Variants in ARHGEF7 observed in about 807,000 individuals in gnomAD.
ARHGEF7 encodes the protein Rho guanine nucleotide exchange factor 7.
ARHGEF7 carries 33 observed loss-of-function variants against 109.8 expected under a neutral mutation model. That is an observed-to-expected ratio of 0.30 (90% CI 0.23 to 0.40). ARHGEF7 has a LOEUF of 0.40. ARHGEF7 is among the 10% of genes least tolerant of loss of function. The pLI is 1.00. For synonymous variants in ARHGEF7, 458 were observed against 424.6 expected, an observed-to-expected ratio of 1.08 and a Z score of -0.97; for missense variants, 938 against 1,098.5, an observed-to-expected ratio of 0.85 and a Z score of 2.07.
At chr13:111,135,479 G>A (rs1487737095) in intron 1 of ARHGEF7, among the ~76,000 whole-genome samples, 2 of 152,316 alleles carry the variant, frequency 1.3e-5, no homozygotes, top group East Asian at 1.9e-4. Flanking sequence ...ATTTCGTTGA[G>A]CAGTGGTTTG....
chr13:111,199,438 T>C (rs1411530210), intron 2 of ARHGEF7, among the ~76,000 whole-genome samples: 3 of 152,356 alleles, frequency 2.0e-5, no homozygotes, highest in African/African-American at 7.2e-5. Context: ...AGTCGTCCTC[T>C]GGTCAGAGGT....
At chr13:111,132,761 T>C (rs2074827437) in intron 1 of ARHGEF7, among the ~76,000 whole-genome samples, 1 of 152,338 alleles carries the variant, frequency 6.6e-6, no homozygotes, top group South Asian at 2.1e-4. Flanking sequence ...CATGAAAACA[T>C]GAACAATTCA....
intron 19 of ARHGEF7, among the ~76,000 whole-genome samples, chr13:111,296,948 C>T (rs1350389301): frequency 1.3e-5 from 2 of 152,194 alleles, no homozygotes; most frequent in Non-Finnish European, 2.9e-5. Flanking sequence ...GTCTGAGCCT[C>T]TGTTATGGAT....
At chr13:111,219,863 T>C (rs1490751182) in intron 5 of ARHGEF7, among the ~76,000 whole-genome samples, 1 of 152,154 alleles carries the variant, frequency 6.6e-6, no homozygotes, top group African/African-American at 2.4e-5. Flanking sequence ...AAGACAAGTA[T>C]TGCTGGGATA....
At position 111,209,855 on chromosome 13, in the gene ARHGEF7, G is replaced by C; in HGVS notation, c.338-17G>C. On this transcript the variant is annotated splice_polypyrimidine_tract_variant and intron_variant, in intron 3 of 21. Transcript: ENST00000646102. ...GGCGCTCTCAGCTCTCTTTTTCTGT[G>C]TGCATGCTCTTTGCAGACATCGGGC... 6.2e-7 allele frequency: 1 copy of C among 1,613,146 alleles called. No individual in the cohort carries two copies. The highest frequency in any genetic ancestry group is 1.1e-5 in the South Asian group (1 of 90,978).
chr13:111,246,898 C>T (rs569002438), intron 8 of ARHGEF7, among the ~76,000 whole-genome samples: 18 of 152,216 alleles, frequency 1.2e-4, no homozygotes, highest in South Asian at 2.1e-4. Context: ...ATCAGCCCTG[C>T]GAATTATTAT....
At chr13:111,119,375 C>T (rs928225809) in intron 1 of ARHGEF7, among the ~76,000 whole-genome samples, 2 of 152,162 alleles carry the variant, frequency 1.3e-5, no homozygotes. Context: ...ACATTTGAAC[C>T]AGATCAGTTT....
At chr13:111,151,512 C>G (rs1175120520) in intron 1 of ARHGEF7, among the ~76,000 whole-genome samples, 1 of 152,210 alleles carries the variant, frequency 6.6e-6, no homozygotes, top group East Asian at 1.9e-4. Context: ...TGGTTGTCGT[C>G]TCATGAATCC....
chr13:111,135,172 TA>T (rs1200494148), intron 1 of ARHGEF7, among the ~76,000 whole-genome samples: 2 of 152,252 alleles, frequency 1.3e-5, no homozygotes, highest in East Asian at 3.8e-4. Context: ...TCTGTTTTGG[TA>T]CCAGTACCAT....
At chr13:111,175,269 A>G (rs1048962637) in intron 2 of ARHGEF7, among the ~76,000 whole-genome samples, 4 of 152,224 alleles carry the variant, frequency 2.6e-5, no homozygotes, top group Non-Finnish European at 5.9e-5. Context: ...CCACACTTGT[A>G]TGGTTCAGAA....
chr13:111,140,987 G>A (rs1302986341), intron 1 of ARHGEF7, among the ~76,000 whole-genome samples: 1 of 152,084 alleles, frequency 6.6e-6, no homozygotes, highest in African/African-American at 2.4e-5. Context: ...ACCACACCCA[G>A]CCTGGACCTT....
At chr13:111,291,368 C>G (rs2093274871) in intron 18 of ARHGEF7, among the ~76,000 whole-genome samples, 1 of 152,278 alleles carries the variant, frequency 6.6e-6, no homozygotes, top group Non-Finnish European at 1.5e-5. Flanking sequence ...TGTCTCTCTT[C>G]CTGACAGCAG....
chr13:111,288,580 A>ACT, intron 18 of ARHGEF7, 137 bp downstream of exon 18: 1 of 514,102 alleles, frequency 1.9e-6, no homozygotes, highest in Non-Finnish European at 3.3e-6. Context: ...TGTTTCAGTC[A>ACT]GGGGTGGCAG....
chr13:111,131,468 GA>G lies in ARHGEF7; in HGVS notation c.165+15778del, dbSNP rs762183384. The stretch of plus-strand genomic sequence containing the variant: ...GCTGTTGGAGCTTAGAGGCCCCCTG[GA>G]CTGAAGCATACACGTGGGACTCGTA... On this transcript the variant is annotated intron_variant, in intron 1 of 21. Coordinates refer to ENST00000646102, the MANE Select transcript of ARHGEF7 (RefSeq NM_001354046.2). The surrounding 1 kb of genome is among the most constrained non-coding windows in gnomAD (Gnocchi z 4.4). Among the ~76,000 whole-genome samples the G allele has an allele frequency of 7.9e-5, 12 of 152,160 alleles. No individual in the cohort carries two copies. The highest frequency in any genetic ancestry group is 1.8e-4 in the Non-Finnish European group (12 of 68,024).
At chr13:111,202,481 C>G (rs2081317751) in intron 2 of ARHGEF7, among the ~76,000 whole-genome samples, 1 of 152,172 alleles carries the variant, frequency 6.6e-6, no homozygotes, top group Admixed American at 6.5e-5. Flanking sequence ...CAAAAGGAGG[C>G]CTGGAGACAA....
intron 7 of ARHGEF7, 51 bp from the exon 8 acceptor site, chr13:111,244,148 A>G: frequency 7.1e-7 from 1 of 1,411,650 alleles, no homozygotes; most frequent in Non-Finnish European, 9.8e-7. Flanking sequence ...AAGGAGAAGA[A>G]TATAAATAAA....
intron 1 of ARHGEF7, among the ~76,000 whole-genome samples, chr13:111,132,530 T>G (rs2074808602): frequency 6.6e-6 from 1 of 152,204 alleles, no homozygotes; most frequent in African/African-American, 2.4e-5. Flanking sequence ...AAAGTTCAGG[T>G]GCATGTTGAG....
intron 1 of ARHGEF7, among the ~76,000 whole-genome samples, chr13:111,121,050 A>G (rs191766599): frequency 1.1e-3 from 171 of 152,278 alleles, no homozygotes; most frequent in African/African-American, 3.8e-3. Context: ...CCCAGGGGGG[A>G]CAAAAGTGAG....
chr13:111,298,979 C>CT (rs1937293160), intron 19 of ARHGEF7, among the ~76,000 whole-genome samples: 1 of 152,232 alleles, frequency 6.6e-6, no homozygotes, highest in Non-Finnish European at 1.5e-5. Flanking sequence ...TGGCAAGTGT[C>CT]TCCTGAAGCT....
Sources: allele counts gnomAD v4.1 joint callset (sites outside exome capture counted in the v4.1 genomes callset), GRCh38; gene constraint gnomAD v4.1.1; non-coding constraint Gnocchi (gnomAD v3.1); transcripts MANE v1.5; gene names NCBI Gene and HGNC (gene_info 2026-07-23, HGNC 2026-07-21).